The following PARP15 variants were observed in gnomAD, a reference collection of about 807,000 sequenced individuals.
PARP15 encodes poly(ADP-ribose) polymerase family member 15.
In PARP15, 50 loss-of-function variants were observed where a neutral mutation model predicts 62.1. The observed-to-expected ratio is 0.81, with a 90% CI of 0.64 to 1.02. PARP15 has a LOEUF of 1.02. PARP15 is among the 50% of genes least tolerant of loss of function. The pLI is 0.00. For synonymous variants in PARP15, 309 were observed against 293.1 expected, an observed-to-expected ratio of 1.05 and a Z score of -0.55; for missense variants, 820 against 826.5, an observed-to-expected ratio of 0.99 and a Z score of 0.10.
chr3:122,616,554 A>C (rs1559970925), intron 5 of PARP15, among the ~76,000 whole-genome samples: 1 of 151,822 alleles, frequency 6.6e-6, no homozygotes, highest in Non-Finnish European at 1.5e-5. Flanking sequence ...CTGGTCTCGA[A>C]CTCCTAACCT....
chr3:122,603,374 C>T (rs565750614), intron 1 of PARP15, among the ~76,000 whole-genome samples: 73 of 152,202 alleles, frequency 4.8e-4, no homozygotes, highest in Admixed American at 3.1e-3. Flanking sequence ...AAATCAGTGT[C>T]ATCAAGACCT....
chr3:122,603,994 C>T lies in PARP15; in HGVS notation c.187-1942C>T, dbSNP rs4260344. ...GTTGAGGAAGATTCTGAGACTGGATCTGGGTTGATTGAAAAAGAATGCTGA... is the reference window on the plus strand; with the variant it reads ...GTTGAGGAAGATTCTGAGACTGGATTTGGGTTGATTGAAAAAGAATGCTGA... On this transcript the variant is annotated intron_variant, in intron 1 of 11. Transcript: ENST00000464300. Among the ~76,000 whole-genome samples the T allele has an allele frequency of 8.5e-3, 1,290 of 152,270 alleles. 17 individuals carry two copies. The highest frequency in any genetic ancestry group is 0.03 in the African/African-American group (1,231 of 41,538).
rs111249589 is a variant in PARP15 at position 122,635,841 on chromosome 3, C to T, written c.1778C>T (p.Ala593Val). The T allele has an allele frequency of 1.1e-5, 18 of 1,613,864 alleles. No individual in the cohort carries two copies. In the Admixed American group the frequency reaches 1.3e-4, roughly 12 times the overall value. ...AVSYGKGTYF[A>V]VDASYSAKDT... ...TCCTATGGAAAAGGAACCTATTTTG[C>T]TGTGGATGCCAGTTATTCTGCCAAG... The change falls in exon 12 of 12, where the codon GCT becomes GTT. Residue 593 changes from alanine to valine, a missense_variant. Ala to Val is a moderately conservative substitution (Grantham distance 64). Coordinates refer to ENST00000464300, the MANE Select transcript of PARP15 (RefSeq NM_001113523.3).
chr3:122,579,628 A>G (rs964737959), intron 1 of PARP15, among the ~76,000 whole-genome samples: 1 of 152,046 alleles, frequency 6.6e-6, no homozygotes, highest in Non-Finnish European at 1.5e-5. Context: ...TTCTATTAAT[A>G]GTTAAATTTC....
In PARP15 at chr3:122,610,556, G is replaced by A; in HGVS notation, c.369G>A (p.Arg123=). Residue 123 remains arginine, a synonymous_variant, in exon 3 of 12, where the codon CGG becomes CGA. Transcript: ENST00000464300. ...NLQLGGGPLS[R]AFLQKAGPML... ...AGCTTGGAGGAGGACCACTATCTCG[G>A]GCATTTTTGCAGAAAGCTGGTCCCA... The A allele has an allele frequency of 6.4e-7, 1 of 1,551,628 alleles. No homozygotes were observed. Among genetic ancestry groups the A allele is most frequent in the Non-Finnish European group, 8.7e-7 (1 of 1,146,992 alleles).
intron 1 of PARP15, among the ~76,000 whole-genome samples, chr3:122,605,441 A>G (rs1465737344): frequency 6.6e-6 from 1 of 152,248 alleles, no homozygotes; most frequent in Non-Finnish European, 1.5e-5. Context: ...AATACAATTG[A>G]TATTCAAACA....
rs1287567184 is a variant in PARP15 at position 122,621,477 on chromosome 3, C to T, written c.1097C>T (p.Pro366Leu). Residue 366 changes from proline (P) to leucine (L), a missense_variant, in exon 8 of 12, where the codon CCA (proline) becomes CTA (leucine). Physicochemically the swap from Pro to Leu is moderately conservative, Grantham distance 98. This residue lies in a region of PARP15 where 731 missense variants were observed against 727.7 expected (regional missense o/e 1.00). Coordinates refer to ENST00000464300, the MANE Select transcript of PARP15 (RefSeq NM_001113523.3). Reference protein sequence around the residue: ...AQPHRDFIITPGGCLKCKIII... With the variant: ...AQPHRDFIITLGGCLKCKIII... ...CCTCACAGAGATTTTATAATTACAC[C>T]AGGTGGATGCTTAAAGTGCAAAATA... The T allele has an allele frequency of 6.2e-7, 1 of 1,612,874 alleles. No homozygotes were observed. The highest frequency in any genetic ancestry group is 8.5e-7 in the Non-Finnish European group (1 of 1,179,606).
chr3:122,584,565 A>G (rs572299237), intron 1 of PARP15, among the ~76,000 whole-genome samples: 3 of 100,722 alleles, frequency 3.0e-5, no homozygotes, highest in Admixed American at 1.1e-4. Context: ...ATATTCATCC[A>G]TTTCTTTCCT....
At position 122,621,467 on chromosome 3, in the gene PARP15, A is replaced by G. The variant is rs1433055047; in HGVS notation, c.1087A>G (p.Ile363Val). The change falls in exon 8 of 12, where the codon ATA becomes GTA. Residue 363 changes from isoleucine to valine, a missense_variant. By Grantham distance (29) the Ile-to-Val change is conservative. Around this residue, in one of 3 missense-constraint regions of PARP15, gnomAD observed 731 missense variants for 727.7 expected, o/e 1.00. Transcript: ENST00000464300. ...AGCTGCACAGCCTCACAGAGATTTT[A>G]TAATTACACCAGGTGGATGCTTAAA... is the stretch of plus-strand genomic sequence containing the variant. Reference protein sequence around the residue: ...VLAAQPHRDFIITPGGCLKCK... With the variant: ...VLAAQPHRDFVITPGGCLKCK... 4 of 1,611,842 alleles carry G rather than the reference A, an allele frequency of 2.5e-6. No individual in the cohort carries two copies. The highest frequency in any genetic ancestry group is 1.7e-5 in the Admixed American group (1 of 59,440).
chr3:122,603,901 G>C (rs574933329), intron 1 of PARP15, among the ~76,000 whole-genome samples: 21 of 152,278 alleles, frequency 1.4e-4, no homozygotes, highest in Non-Finnish European at 2.8e-4. Context: ...GTGAGATCAG[G>C]CATGGAAAAT....
At chr3:122,599,810 A>G (rs2107505072) in intron 1 of PARP15, among the ~76,000 whole-genome samples, 1 of 152,296 alleles carries the variant, frequency 6.6e-6, no homozygotes, top group Admixed American at 6.5e-5. Flanking sequence ...CCTGGCCTCA[A>G]ATGATCCTCC....
chr3:122,629,615 G>A lies in PARP15; in HGVS notation c.1439-2471G>A, dbSNP rs186887419. On this transcript the variant is annotated intron_variant, in intron 9 of 11. Transcript: ENST00000464300. ...GAAGGGGGTGGTTTCAGGATGGTCC[G>A]AGTGCATTACATTTATTGTCCACTT... is the stretch of plus-strand genomic sequence containing the variant. 5.9e-5 allele frequency among the ~76,000 whole-genome samples: 9 copies of A among 152,244 alleles called. No homozygotes were observed. The East Asian group carries it at 1.5e-3, about 26-fold the overall frequency.
chr3:122,633,588 A>G, intron 10 of PARP15, among the ~76,000 whole-genome samples: 1 of 152,160 alleles, frequency 6.6e-6, no homozygotes, highest in Middle Eastern at 3.4e-3. Flanking sequence ...CTATTTACAT[A>G]GTATTTGTTA....
intron 1 of PARP15, among the ~76,000 whole-genome samples, chr3:122,601,208 G>A (rs1934775267): frequency 6.6e-6 from 1 of 151,892 alleles, no homozygotes; most frequent in African/African-American, 2.4e-5. Flanking sequence ...ATTTTTAGTA[G>A]AGATGGGGTT....
chr3:122,619,887 G>T (rs1187851929), intron 7 of PARP15, 44 bp downstream of exon 7: 1 of 1,522,394 alleles, frequency 6.6e-7, no homozygotes, highest in Non-Finnish European at 9.1e-7. Flanking sequence ...GAAAATCAGA[G>T]GGCTGAGATT....
At chr3:122,614,022 T>G (rs1935769679) in intron 4 of PARP15, among the ~76,000 whole-genome samples, 1 of 151,986 alleles carries the variant, frequency 6.6e-6, no homozygotes, top group African/African-American at 2.4e-5. Context: ...ATTTTTGTAT[T>G]ATTAGTAGAG....
intron 9 of PARP15, among the ~76,000 whole-genome samples, chr3:122,628,685 A>G (rs978110135): frequency 3.3e-5 from 5 of 152,244 alleles, no homozygotes; most frequent in Non-Finnish European, 5.9e-5. Flanking sequence ...TGAGCAGACA[A>G]CTGACCCTCT....
At position 122,617,155 on chromosome 3, in the gene PARP15, C is replaced by T. The variant is rs764531530; in HGVS notation, c.991C>T (p.Arg331Trp). The change falls in exon 6 of 12, where the codon CGG (arginine) becomes TGG (tryptophan). Residue 331 changes from arginine (R) to tryptophan (W), a missense_variant. By Grantham distance (101) the Arg-to-Trp change is moderately radical. This residue lies in a region of PARP15 where 731 missense variants were observed against 727.7 expected (regional missense o/e 1.00). Coordinates refer to ENST00000464300, the MANE Select transcript of PARP15 (RefSeq NM_001113523.3). Reference protein sequence around the residue: ...IVNSTARTFNRKSGVSRAILE... With the variant: ...IVNSTARTFNWKSGVSRAILE... ...AAACTCAACAGCAAGGACATTTAAT[C>T]GGAAATCAGGTACTTTATTTAAGCA... 14 of 1,611,742 alleles carry T rather than the reference C, an allele frequency of 8.7e-6. No homozygotes were observed. The highest frequency in any genetic ancestry group is 2.2e-5 in the East Asian group (1 of 44,848).
At position 122,612,197 on chromosome 3, in the gene PARP15, A is replaced by G. The variant is rs143042737; in HGVS notation, c.544-844A>G. On this transcript the variant is annotated intron_variant, in intron 3 of 11. Coordinates refer to ENST00000464300, the MANE Select transcript of PARP15 (RefSeq NM_001113523.3). Reference sequence around the variant, plus strand: ...CAGCCTCCCGAGTAGCTGGGACAACAGGCACACATCACCATCCCTGGCTAA... The same window carrying G: ...CAGCCTCCCGAGTAGCTGGGACAACGGGCACACATCACCATCCCTGGCTAA... Among the ~76,000 whole-genome samples, 625 of 151,660 alleles carry G rather than the reference A, an allele frequency of 4.1e-3. 3 individuals carry two copies. The highest frequency in any genetic ancestry group is 0.013 in the African/African-American group (552 of 41,332).
Sources: gnomAD v4.1 joint callset for allele counts (sites outside exome capture counted in the v4.1 genomes callset) on GRCh38, gnomAD v4.1.1 for gene constraint, gnomAD v4.1.1 regional missense constraint, MANE v1.5 for transcripts, NCBI Gene and HGNC (gene_info 2026-07-23, HGNC 2026-07-21) for gene names.